SLC45A2: variants seen among roughly 807,000 people sequenced by gnomAD.
The protein encoded by SLC45A2 is solute carrier family 45 member 2, also known as membrane-associated transporter protein.
Under a neutral mutation model 45.5 loss-of-function variants are expected in SLC45A2, and 36 were observed. The ratio of observed to expected loss-of-function variants is 0.79; its 90% CI spans 0.61 to 1.04. The LOEUF (loss-of-function observed/expected upper bound fraction) is 1.04. SLC45A2 is among the 50% of genes least tolerant of loss of function. The pLI is 0.00. For missense variants in SLC45A2, 719 were observed against 671.0 expected, an observed-to-expected ratio of 1.07 and a Z score of -0.79; for synonymous variants, 306 against 269.3, an observed-to-expected ratio of 1.14 and a Z score of -1.33.
chr5:33,981,665 A>G (rs1355145208), intron 2 of SLC45A2, among the ~76,000 whole-genome samples: 1 of 152,238 alleles, frequency 6.6e-6, no homozygotes, highest in Non-Finnish European at 1.5e-5. Context: ...CCTGGCATGA[A>G]CTTTTTCAAA....
chr5:33,950,438 A>C (rs1298010396), intron 5 of SLC45A2, among the ~76,000 whole-genome samples: 2 of 152,346 alleles, frequency 1.3e-5, no homozygotes, highest in East Asian at 3.9e-4. Context: ...CATAAATTTT[A>C]AAATAATGAA....
At chr5:33,975,245 C>A (rs1023738036) in intron 2 of SLC45A2, among the ~76,000 whole-genome samples, 1 of 152,178 alleles carries the variant, frequency 6.6e-6, no homozygotes, top group Non-Finnish European at 1.5e-5. Context: ...TGCAATTTGT[C>A]GTGTCATTTA....
At chr5:33,952,072 C>T (rs1752120935) in intron 4 of SLC45A2, among the ~76,000 whole-genome samples, 2 of 152,244 alleles carry the variant, frequency 1.3e-5, no homozygotes, top group South Asian at 4.1e-4. Context: ...CTAACTCCTA[C>T]TCACCCTTCA....
At chr5:33,980,280 AC>A (rs1203850897) in intron 2 of SLC45A2, among the ~76,000 whole-genome samples, 34 of 143,562 alleles carry the variant, frequency 2.4e-4, no homozygotes, top group Middle Eastern at 3.6e-3. Flanking sequence ...AAAAAAAAAA[AC>A]CATGATTTAT....
chr5:33,970,977 C>A, intron 2 of SLC45A2: 1 of 487,966 alleles, frequency 2.0e-6, no homozygotes, highest in Non-Finnish European at 4.1e-6. Context: ...TTTACCAAAC[C>A]GTATGAAAAG....
At chr5:33,951,927 A>G (rs1276276296) in intron 4 of SLC45A2, among the ~76,000 whole-genome samples, 2 of 152,088 alleles carry the variant, frequency 1.3e-5, no homozygotes, top group African/African-American at 2.4e-5. Context: ...TCCTCCTTCC[A>G]TCTCACAGCT....
At chr5:33,960,103 C>T (rs1165491622) in intron 3 of SLC45A2, among the ~76,000 whole-genome samples, 1 of 152,026 alleles carries the variant, frequency 6.6e-6, no homozygotes, top group Non-Finnish European at 1.5e-5. Context: ...GGATATTACC[C>T]AGGAATAGGA....
At chr5:33,982,052 A>C (rs1376282788) in intron 2 of SLC45A2, among the ~76,000 whole-genome samples, 184 bp downstream of exon 2, 1 of 152,272 alleles carries the variant, frequency 6.6e-6, no homozygotes, top group Non-Finnish European at 1.5e-5. Flanking sequence ...CAGAAACTGC[A>C]GCACTAGTCA....
intron 5 of SLC45A2, among the ~76,000 whole-genome samples, chr5:33,948,327 G>T (rs1430274834): frequency 6.6e-6 from 1 of 152,162 alleles, no homozygotes; most frequent in Non-Finnish European, 1.5e-5. Context: ...TTTCTACAAT[G>T]GCAAGGAAAA....
At chr5:33,974,603 C>T (rs1269609494) in intron 2 of SLC45A2, among the ~76,000 whole-genome samples, 2 of 152,178 alleles carry the variant, frequency 1.3e-5, no homozygotes, top group African/African-American at 4.8e-5. Flanking sequence ...GTAGTTATCT[C>T]TTTGTCAAGG....
At chr5:33,968,755 T>C (rs763783315) in intron 2 of SLC45A2, among the ~76,000 whole-genome samples, 2 of 152,180 alleles carry the variant, frequency 1.3e-5, no homozygotes, top group Admixed American at 6.5e-5. Flanking sequence ...GCACCTACCA[T>C]CTGCCTGTAA....
intron 1 of SLC45A2, among the ~76,000 whole-genome samples, chr5:33,983,833 C>T (rs945313116): frequency 6.6e-6 from 1 of 152,148 alleles, no homozygotes; most frequent in Non-Finnish European, 1.5e-5. Flanking sequence ...AGCTATTTGG[C>T]AGCCAGTCAA....
chr5:33,969,063 C>CTGTGTGTGTG (rs1400585496), intron 2 of SLC45A2, among the ~76,000 whole-genome samples: 54 of 62,844 alleles, frequency 8.6e-4, no homozygotes, highest in Non-Finnish European at 1.3e-3. Flanking sequence ...CTCTCTCTCT[C>CTGTGTGTGTG]TCTGTGTGTG....
intron 3 of SLC45A2, 184 bp downstream of exon 3, chr5:33,963,507 A>T (rs1752508267): frequency 1.5e-6 from 1 of 663,720 alleles, no homozygotes; most frequent in South Asian, 1.9e-5. Flanking sequence ...GAAAATGCAG[A>T]CATTTTTCTT....
chr5:33,984,078 C>A (rs1753162703), intron 1 of SLC45A2, 121 bp downstream of exon 1: 3 of 1,429,486 alleles, frequency 2.1e-6, no homozygotes, highest in Non-Finnish European at 1.9e-6. Context: ...TTCATTGTAA[C>A]CTAGGAGAGA....
At position 33,984,207 on chromosome 5, in the gene SLC45A2, A is replaced by T. The variant is rs780291781; in HGVS notation, c.377T>A (p.Val126Asp). Reference sequence around the variant, plus strand: ...TTGTGCAGCCCACTTACCTGCTACAACAGTAGCCCCATTGAGGTACAGAGC... The same window carrying T: ...TTGTGCAGCCCACTTACCTGCTACATCAGTAGCCCCATTGAGGTACAGAGC... The part of the protein sequence containing the change: ...GMALYLNGAT[V>D]VAALIANPRR... Residue 126 changes from valine to aspartate, a missense_variant, in exon 1 of 7, where the codon GTT becomes GAT. Val to Asp is a radical substitution (Grantham distance 152). Coordinates refer to ENST00000296589, the MANE Select transcript of SLC45A2 (RefSeq NM_016180.5). 6.2e-6 allele frequency: 10 copies of T among 1,613,904 alleles called. No individual in the cohort carries two copies. The highest frequency in any genetic ancestry group is 8.5e-6 in the Non-Finnish European group (10 of 1,180,016).
chr5:33,963,533 T>G (rs1752509553), intron 3 of SLC45A2, 158 bp downstream of exon 3: 2 of 790,286 alleles, frequency 2.5e-6, no homozygotes, highest in Non-Finnish European at 4.1e-6. Context: ...TATAAAATTT[T>G]AATTCCAAGG....
intron 2 of SLC45A2, among the ~76,000 whole-genome samples, chr5:33,974,943 T>C (rs1752882201): frequency 6.6e-6 from 1 of 150,550 alleles, no homozygotes; most frequent in South Asian, 2.1e-4. Context: ...TATTGTATTT[T>C]ATGAGTAATC....
At chr5:33,949,889 G>A (rs889557421) in intron 5 of SLC45A2, among the ~76,000 whole-genome samples, 3 of 151,926 alleles carry the variant, frequency 2.0e-5, no homozygotes, top group African/African-American at 7.3e-5. Flanking sequence ...TTTTCTTTCT[G>A]ACAAAGATGA....
Sources: allele counts gnomAD v4.1 joint callset (sites outside exome capture counted in the v4.1 genomes callset), GRCh38; gene constraint gnomAD v4.1.1; transcripts MANE v1.5; gene names NCBI Gene and HGNC (gene_info 2026-07-23, HGNC 2026-07-21).